Variants in DMRTC2 observed in about 807,000 individuals in gnomAD.
The protein encoded by DMRTC2 is DMRT like family C2, also known as doublesex- and mab-3-related transcription factor C2.
A neutral mutation model predicts 39.9 loss-of-function variants in DMRTC2; 13 were observed. The ratio of observed to expected loss-of-function variants is 0.33; its 90% CI spans 0.21 to 0.52. The LOEUF (loss-of-function observed/expected upper bound fraction) is 0.52, where lower values mean the gene tolerates loss of function less well. Among genes scored for constraint, DMRTC2 ranks in the 20% least tolerant of loss-of-function variants. The pLI is 0.96. For missense variants in DMRTC2, 431 were observed against 472.8 expected, an observed-to-expected ratio of 0.91 and a Z score of 0.82; for synonymous variants, 189 against 185.2, an observed-to-expected ratio of 1.02 and a Z score of -0.17.
chr19:41,846,010 AAT>A lies in DMRTC2; in HGVS notation c.-5+911_-5+912del, dbSNP rs2073832323. On this transcript the variant is annotated intron_variant, in intron 1 of 8. Coordinates refer to ENST00000269945, the MANE Select transcript of DMRTC2 (RefSeq NM_001040283.3). ...CTGGGCAACAGAGCGAGACCCTGTC[AAT>A]AAAAAAAAAAAGAAAGTGGAGCAGG... 2.5e-5 allele frequency among the ~76,000 whole-genome samples: 3 copies of A among 121,330 alleles called. No individual in the cohort carries two copies. In the Admixed American group the frequency reaches 2.6e-4, roughly 11 times the overall value. 79.6% of individuals were successfully genotyped at this position (121,330 alleles called of 152,430 possible).
rs1186029867 is a variant in DMRTC2, at chr19:41,845,758, C to T, written c.-5+657C>T. Among the ~76,000 whole-genome samples the T allele has an allele frequency of 2.6e-5, 4 of 152,004 alleles. No individual in the cohort carries two copies. In the East Asian group the frequency reaches 5.8e-4, roughly 22 times the overall value. On this transcript the variant is annotated intron_variant, in intron 1 of 8. Coordinates refer to ENST00000269945, the MANE Select transcript of DMRTC2 (RefSeq NM_001040283.3). ...AGGAGAATTGCTTGAACCCAGGAGG[C>T]GGAGGTTGCAGTGAGCCGGGATTGC...
At position 41,847,776 on chromosome 19, in the gene DMRTC2, A is replaced by G; in HGVS notation, c.265A>G (p.Arg89Gly). ...CATGGCTGCCCAGGTGGCCTTGCGT[A>G]GGCAGCAGGAGGCGCAGCTAAAGAA... ...RVMAAQVALR[R>G]QQEAQLKKHL... Residue 89 changes from arginine (R) to glycine (G), a missense_variant, in exon 3 of 9, where the codon AGG becomes GGG. Transcript: ENST00000269945. 6.2e-7 allele frequency: 1 copy of G among 1,613,196 alleles called. No individual in the cohort carries two copies. The highest frequency in any genetic ancestry group is 2.2e-5 in the East Asian group (1 of 44,860).
At chr19:41,846,952 G>A (rs578095247) in intron 1 of DMRTC2, among the ~76,000 whole-genome samples, 2 of 152,050 alleles carry the variant, frequency 1.3e-5, no homozygotes, top group Admixed American at 1.3e-4. Flanking sequence ...GAGACAGGCA[G>A]ATCACTTGAG....
At chr19:41,850,907 T>C in intron 8 of DMRTC2, 1 of 499,448 alleles carries the variant, frequency 2.0e-6, no homozygotes, top group Non-Finnish European at 3.4e-6. Context: ...ACAGCAAATT[T>C]CTTGATATCA....
Position 41,850,613 on chromosome 19 carries a change from A to C in DMRTC2, c.904A>C (p.Lys302Gln), listed in dbSNP as rs1227104809. The C allele has an allele frequency of 6.2e-7, 1 of 1,613,604 alleles. No homozygotes were observed. The highest frequency in any genetic ancestry group is 1.7e-5 in the Admixed American group (1 of 59,954). ...GGCAGCTGAAGCCCTCGTGGGGCTG[A>C]AAGATTCATCCCAGGCTCCTCGTGT... ...QEAAEALVGL[K>Q]DSSQAPRVTP... Residue 302 changes from lysine to glutamine, a missense_variant, in exon 8 of 9, where the codon AAA becomes CAA. Transcript: ENST00000269945.
At chr19:41,850,455 G>A (rs2073937813) in intron 7 of DMRTC2, 71 bp from the exon 8 acceptor site, 1 of 1,577,728 alleles carries the variant, frequency 6.3e-7, no homozygotes, top group South Asian at 1.2e-5. Flanking sequence ...AAGGAAGCAG[G>A]GGCTGAGGAA....
At chr19:41,850,793 C>G (rs2073944907) in intron 8 of DMRTC2, 93 bp downstream of exon 8, 2 of 1,359,850 alleles carry the variant, frequency 1.5e-6, no homozygotes, top group Non-Finnish European at 1.9e-6. Context: ...AGGGGGTCGA[C>G]AGGTTGAACG....
Position 41,850,527 on chromosome 19 carries a change from C to T in DMRTC2, c.818C>T (p.Ala273Val). 2.5e-6 allele frequency: 4 copies of T among 1,610,662 alleles called. No individual in the cohort carries two copies. The highest frequency in any genetic ancestry group is 3.4e-6 in the Non-Finnish European group (4 of 1,178,350). Residue 273 changes from alanine (A) to valine (V), a missense_variant and splice_region_variant, in exon 8 of 9, where the codon GCC (alanine) becomes GTC (valine). Ala to Val is a moderately conservative substitution (Grantham distance 64, BLOSUM62 0). Coordinates refer to ENST00000269945, the MANE Select transcript of DMRTC2 (RefSeq NM_001040283.3). ...TPDPLQLQPQ[A>V]SGASCLARTS... is the part of the protein sequence containing the mutation. ...TGCTTGTCTCCCTTTCCCTTGCAGG[C>T]CTCTGGAGCCTCGTGCCTGGCCCGG...
At chr19:41,845,687 C>T (rs553770185) in intron 1 of DMRTC2, among the ~76,000 whole-genome samples, 31 of 152,094 alleles carry the variant, frequency 2.0e-4, no homozygotes, top group Non-Finnish European at 3.5e-4. Context: ...ATTAGACGGG[C>T]GTGGTGGCAC....
chr19:41,850,536 C>A lies in DMRTC2; in HGVS notation c.827C>A (p.Ala276Asp). ...PLQLQPQASGASCLARTSGPS... is the reference protein window; with the variant it reads ...PLQLQPQASGDSCLARTSGPS... ...CCCTTTCCCTTGCAGGCCTCTGGAG[C>A]CTCGTGCCTGGCCCGGACATCTGGC... The change falls in exon 8 of 9, where the codon GCC (alanine) becomes GAC (aspartate). Residue 276 changes from alanine to aspartate, a missense_variant. Ala to Asp is a moderately radical substitution (Grantham distance 126). Transcript: ENST00000269945. 6.2e-7 allele frequency: 1 copy of A among 1,611,910 alleles called. No individual in the cohort carries two copies. The highest frequency in any genetic ancestry group is 8.5e-7 in the Non-Finnish European group (1 of 1,178,978).
chr19:41,850,522 G>T lies in DMRTC2; in HGVS notation c.817-4G>T. ...CAGTCTGCTTGTCTCCCTTTCCCTT[G>T]CAGGCCTCTGGAGCCTCGTGCCTGG... On this transcript the variant is annotated splice_polypyrimidine_tract_variant and splice_region_variant and intron_variant, in intron 7 of 8. Transcript: ENST00000269945. 6.2e-7 allele frequency: 1 copy of T among 1,608,604 alleles called. No individual in the cohort carries two copies. The highest frequency in any genetic ancestry group is 8.5e-7 in the Non-Finnish European group (1 of 1,177,412).
intron 4 of DMRTC2, 22 bp from the exon 5 acceptor site, chr19:41,848,773 C>T (rs781863181): frequency 6.2e-7 from 1 of 1,606,760 alleles, no homozygotes; most frequent in Non-Finnish European, 8.5e-7. Flanking sequence ...CCAACTCCAG[C>T]CTGTGCCCTC....
chr19:41,848,610 G>A (rs1568779208), intron 4 of DMRTC2, 82 bp downstream of exon 4: 3 of 1,365,372 alleles, frequency 2.2e-6, no homozygotes, highest in Non-Finnish European at 3.1e-6. Context: ...TCAACACCTG[G>A]GTTCTAGCCC....
Position 41,850,680 on chromosome 19 carries a change from T to C in DMRTC2, c.971T>C (p.Leu324Pro). ...VPPNPAWISL[L>P]HPCGPPAPAG... ...CCCAACCCTGCCTGGATCTCCCTGC[T>C]TCACCCCTGTGGCCCACCAGGTGGG... is the stretch of plus-strand genomic sequence containing the variant. Residue 324 changes from leucine (L) to proline (P), a missense_variant, in exon 8 of 9, where the codon CTT becomes CCT. Transcript: ENST00000269945. 1.3e-6 allele frequency: 2 copies of C among 1,591,698 alleles called. No individual in the cohort carries two copies. The highest frequency in any genetic ancestry group is 1.7e-6 in the Non-Finnish European group (2 of 1,170,096).
At chr19:41,846,070 G>A (rs186782961) in intron 1 of DMRTC2, among the ~76,000 whole-genome samples, 1 of 152,220 alleles carries the variant, frequency 6.6e-6, no homozygotes, top group East Asian at 1.9e-4. Context: ...TATTGGGGGT[G>A]CAAGAGAGGG....
Position 41,851,753 on chromosome 19 carries a change from T to C in DMRTC2, c.*57T>C, listed in dbSNP as rs976022828. 17 of 1,459,960 alleles carry C rather than the reference T, an allele frequency of 1.2e-5. 1 individual carries two copies. The highest frequency in any genetic ancestry group is 3.4e-4 in the Middle Eastern group (2 of 5,800). The allele number at this position is 1,459,960 out of a possible 1,614,324, so 90.4% of individuals were successfully genotyped here. A position where few individuals can be genotyped will look rare whatever the true frequency, so the allele number is the denominator to read the frequency against. Reference sequence around the variant, plus strand: ...CAGGGAGGTGACAGCCTGCTGGCACTGTATATTTAGTGTCTTACTTAAGGA... The same window carrying C: ...CAGGGAGGTGACAGCCTGCTGGCACCGTATATTTAGTGTCTTACTTAAGGA... On this transcript the variant is annotated 3_prime_UTR_variant, in exon 9 of 9. Coordinates refer to ENST00000269945, the MANE Select transcript of DMRTC2 (RefSeq NM_001040283.3).
At chr19:41,850,219 G>C (rs2073933913) in intron 6 of DMRTC2, 93 bp from the exon 7 acceptor site, 1 of 1,102,338 alleles carries the variant, frequency 9.1e-7, no homozygotes, top group East Asian at 2.9e-5. Context: ...CAGATTCCCA[G>C]ATCAAAACAT....
chr19:41,850,721 A>G lies in DMRTC2; in HGVS notation c.991+21A>G, dbSNP rs201182633. ...ACCAGGTGGGCCATGAAAGGAGAGG[A>G]TGGATAGGGATGGCTGGGAAATGGA... On this transcript the variant is annotated intron_variant, in intron 8 of 8. Transcript: ENST00000269945. The G allele has an allele frequency of 3.7e-5, 57 of 1,536,256 alleles. No individual in the cohort carries two copies. In the East Asian group the frequency reaches 1.2e-3, roughly 33 times the overall value.
In DMRTC2 at chr19:41,848,492, T is replaced by A; in HGVS notation, c.411T>A (p.His137Gln). 1.2e-6 allele frequency: 2 copies of A among 1,604,518 alleles called. No individual in the cohort carries two copies. Among genetic ancestry groups the A allele is most frequent in the Non-Finnish European group, 1.7e-6 (2 of 1,175,560 alleles). Reference sequence around the variant, plus strand: ...TAGCACCCCAGCCTCAGACCCCCCATGGGGCAGTCCTGCTGGCACCGACAC... The same window carrying A: ...TAGCACCCCAGCCTCAGACCCCCCAAGGGGCAGTCCTGCTGGCACCGACAC... ...ENIAPQPQTP[H>Q]GAVLLAPTPP... The change falls in exon 4 of 9, where the codon CAT becomes CAA. Residue 137 changes from histidine to glutamine, a missense_variant. Physicochemically the swap from His to Gln is conservative, Grantham distance 24. Transcript: ENST00000269945.
Sources: gnomAD v4.1 joint callset for allele counts (sites outside exome capture counted in the v4.1 genomes callset) on GRCh38, gnomAD v4.1.1 for gene constraint, MANE v1.5 for transcripts, NCBI Gene and HGNC (gene_info 2026-07-23, HGNC 2026-07-21) for gene names.